The following SOX5 variants were observed in gnomAD, a reference collection of about 807,000 sequenced individuals.
SOX5 encodes the protein SRY-box transcription factor 5.
A neutral mutation model predicts 92.0 loss-of-function variants in SOX5; 9 were observed. The observed-to-expected ratio is 0.10, with a 90% confidence interval of 0.06 to 0.17. The LOEUF is 0.17. Ranked by LOEUF, SOX5 falls within the 10% of genes least tolerant of loss-of-function variation. The probability of loss-of-function intolerance (pLI) is 1.00; values close to 1 mark genes in which losing one functional copy is unlikely to be tolerated. For synonymous variants in SOX5, 344 were observed against 336.3 expected, an observed-to-expected ratio of 1.02 and a Z score of -0.25; for missense variants, 642 against 944.5, an observed-to-expected ratio of 0.68 and a Z score of 4.20.
intron 1 of SOX5, among the ~76,000 whole-genome samples, chr12:24,489,530 GA>G (rs1198506852): frequency 1.3e-5 from 2 of 152,150 alleles, no homozygotes; most frequent in Non-Finnish European, 2.9e-5. Context: ...TCTGAAGAAA[GA>G]AGAATAAAGA....
intron 7 of SOX5, among the ~76,000 whole-genome samples, chr12:23,652,566 C>G (rs947985842): frequency 2.0e-5 from 3 of 148,360 alleles, no homozygotes; most frequent in African/African-American, 7.5e-5. Flanking sequence ...ACAATAAGCT[C>G]CACCTTCACA....
At chr12:23,868,402 A>C (rs891269327) in intron 2 of SOX5, among the ~76,000 whole-genome samples, 12 of 152,152 alleles carry the variant, frequency 7.9e-5, no homozygotes, top group African/African-American at 2.7e-4. Flanking sequence ...TTGAAGCAAG[A>C]GCAAATTCAT....
At chr12:23,622,353 G>C (rs904377192) in intron 8 of SOX5, among the ~76,000 whole-genome samples, 1 of 151,694 alleles carries the variant, frequency 6.6e-6, no homozygotes, top group African/African-American at 2.4e-5. Context: ...AGTCTATTCA[G>C]TTCATATTCC....
chr12:23,811,563 AGAGAT>A (rs1255453817), intron 3 of SOX5, among the ~76,000 whole-genome samples: 1 of 152,180 alleles, frequency 6.6e-6, no homozygotes, highest in Non-Finnish European at 1.5e-5. Flanking sequence ...GCCAAAATAA[AGAGAT>A]AAGACAATAA....
intron 4 of SOX5, among the ~76,000 whole-genome samples, chr12:23,975,783 T>C (rs1948826023): frequency 6.6e-6 from 1 of 152,214 alleles, no homozygotes; most frequent in African/African-American, 2.4e-5. Context: ...GAACATAATA[T>C]GCACTATAAG....
rs536993603 is a variant in SOX5, at chr12:23,877,587, G to A, written c.270+18206C>T. 2.6e-5 allele frequency among the ~76,000 whole-genome samples: 4 copies of A among 152,044 alleles called. No individual in the cohort carries two copies. The South Asian group carries it at 8.3e-4, about 32-fold the overall frequency. ...TTTATTTAATAAGAGATATATCAAA[G>A]CAAAGATCTAAAATTAAATGTGGAA... On this transcript the variant is annotated intron_variant, in intron 2 of 14. Transcript: ENST00000451604.
At chr12:24,051,598 A>T (rs1957569082) in intron 4 of SOX5, among the ~76,000 whole-genome samples, 1 of 152,180 alleles carries the variant, frequency 6.6e-6, no homozygotes, top group African/African-American at 2.4e-5. Flanking sequence ...TAACAGAAAA[A>T]ATCCACAAGA....
chr12:24,253,110 GAA>G (rs143042171), intron 3 of SOX5, among the ~76,000 whole-genome samples: 2,267 of 145,704 alleles, frequency 0.016, 36 homozygotes, highest in African/African-American at 0.046. Flanking sequence ...GACAAAAAAA[GAA>G]AAGAGGGAAA....
chr12:24,004,643 A>G (rs10771053), intron 4 of SOX5, among the ~76,000 whole-genome samples: 73,603 of 151,918 alleles, frequency 0.48, 18,116 homozygotes, highest in East Asian at 0.69. Context: ...ATGTGGGGAA[A>G]CCAGCGCCTG....
intron 6 of SOX5, among the ~76,000 whole-genome samples, chr12:23,697,309 T>C (rs1192014112): frequency 3.3e-5 from 5 of 152,224 alleles, no homozygotes; most frequent in Non-Finnish European, 7.4e-5. Flanking sequence ...GTTAAAATTG[T>C]AAAATGACTC....
intron 3 of SOX5, among the ~76,000 whole-genome samples, chr12:23,841,439 G>T (rs897698270): frequency 2.0e-5 from 3 of 151,990 alleles, no homozygotes; most frequent in Admixed American, 2.0e-4. Flanking sequence ...ATAAATTCCA[G>T]CATTCACATT....
intron 1 of SOX5, among the ~76,000 whole-genome samples, chr12:24,387,714 G>T (rs994181825): frequency 1.3e-5 from 2 of 152,094 alleles, no homozygotes; most frequent in African/African-American, 4.8e-5. Context: ...AGGAAAGTAG[G>T]ACTAATATAC....
intron 1 of SOX5, among the ~76,000 whole-genome samples, chr12:24,449,212 G>C (rs1941918168): frequency 6.6e-6 from 1 of 152,026 alleles, no homozygotes; most frequent in Non-Finnish European, 1.5e-5. Context: ...ACCTCCAACA[G>C]CTCACCAGCA....
At chr12:23,697,075 T>C (rs2089981312) in intron 6 of SOX5, among the ~76,000 whole-genome samples, 1 of 152,212 alleles carries the variant, frequency 6.6e-6, no homozygotes, top group South Asian at 2.1e-4. Flanking sequence ...TGTTGGGTTC[T>C]ATAAATGTAA....
At chr12:23,720,083 C>T (rs2092730250) in intron 6 of SOX5, among the ~76,000 whole-genome samples, 1 of 152,186 alleles carries the variant, frequency 6.6e-6, no homozygotes, top group Admixed American at 6.5e-5. Flanking sequence ...ACAAAAAAGA[C>T]TCATTCCATG....
intron 9 of SOX5, among the ~76,000 whole-genome samples, chr12:23,598,484 C>T (rs968474054): frequency 2.0e-5 from 3 of 149,554 alleles, no homozygotes; most frequent in Admixed American, 6.7e-5. Flanking sequence ...CTGCAAGCTC[C>T]GCCTCCTGGG....
At chr12:24,375,602 G>C (rs991493416) in intron 1 of SOX5, among the ~76,000 whole-genome samples, 1 of 151,840 alleles carries the variant, frequency 6.6e-6, no homozygotes. Context: ...TGGGCATGGT[G>C]GTGGGCACCT....
chr12:24,214,994 AG>A (rs912839107), intron 3 of SOX5, among the ~76,000 whole-genome samples: 1 of 152,118 alleles, frequency 6.6e-6, no homozygotes, highest in Non-Finnish European at 1.5e-5. Flanking sequence ...ATATTAATAA[AG>A]GGAAAAATCA....
At chr12:23,895,662 G>A (rs746049902) in intron 2 of SOX5, 131 bp downstream of exon 2, 21 of 668,858 alleles carry the variant, frequency 3.1e-5, no homozygotes, top group Admixed American at 7.2e-5. Context: ...ATTCTAAGAC[G>A]CCAGGGGTGA....
Sources: gnomAD v4.1 joint callset for allele counts (sites outside exome capture counted in the v4.1 genomes callset) on GRCh38, gnomAD v4.1.1 for gene constraint, MANE v1.5 for transcripts, NCBI Gene and HGNC (gene_info 2026-07-23, HGNC 2026-07-21) for gene names.